The following ITGB2 variants were observed in gnomAD, a reference collection of about 807,000 sequenced individuals.
ITGB2 encodes integrin beta-2.
A neutral mutation model predicts 86.8 loss-of-function variants in ITGB2; 56 were observed. The ratio of observed to expected loss-of-function variants is 0.65; its 90% CI spans 0.52 to 0.81. The LOEUF (loss-of-function observed/expected upper bound fraction) is 0.81. Ranked by LOEUF, ITGB2 falls within the 30% of genes least tolerant of loss-of-function variation. The pLI, the probability that ITGB2 is intolerant of heterozygous loss-of-function variation, is 0.00. For synonymous variants in ITGB2, 457 were observed against 450.4 expected, an observed-to-expected ratio of 1.01 and a Z score of -0.19; for missense variants, 948 against 1,061.2, an observed-to-expected ratio of 0.89 and a Z score of 1.48.
intron 4 of ITGB2, among the ~76,000 whole-genome samples, chr21:44,905,455 C>T (rs1025284335): frequency 1.3e-5 from 2 of 152,164 alleles, no homozygotes; most frequent in African/African-American, 2.4e-5. Context: ...CCCACTCAGG[C>T]GCACCCCCAC....
At chr21:44,898,394 C>A (rs2083899312) in intron 8 of ITGB2, among the ~76,000 whole-genome samples, 1 of 152,218 alleles carries the variant, frequency 6.6e-6, no homozygotes, top group Admixed American at 6.5e-5. Context: ...CCTCGGGCAG[C>A]GGCTGGCACC....
chr21:44,892,012 G>A lies in ITGB2; in HGVS notation c.1225-16C>T. 1 of 1,609,154 alleles carries A rather than the reference G, an allele frequency of 6.2e-7. No individual in the cohort carries two copies. Reference sequence around the variant, plus strand: ...GGAAGGTGATCTGCAGGGCAGTGCTGGGCTCAGGTGGGGACCCTCGGTGGC... The same window carrying A: ...GGAAGGTGATCTGCAGGGCAGTGCTAGGCTCAGGTGGGGACCCTCGGTGGC... On this transcript the variant is annotated splice_polypyrimidine_tract_variant and intron_variant, in intron 10 of 15. Coordinates refer to ENST00000652462, the MANE Select transcript of ITGB2 (RefSeq NM_000211.5).
At chr21:44,907,130 A>G (rs1269688451) in intron 3 of ITGB2, 35 bp from the exon 4 acceptor site, 6 of 1,505,256 alleles carry the variant, frequency 4.0e-6, no homozygotes, top group African/African-American at 1.4e-5. Flanking sequence ...GGAGGGGGCC[A>G]CACTGCGGGA....
In ITGB2 at chr21:44,901,635, G is replaced by C. The variant is rs756755210; in HGVS notation, c.598C>G (p.Pro200Ala). Residue 200 changes from proline (P) to alanine (A), a missense_variant, in exon 6 of 16, where the codon CCC becomes GCC. Transcript: ENST00000652462. ...AGCACGTGCCTGAAGGCAAACGGGGGCTGGCACTCTTTCTCCTTGTTGGGG... is the reference window on the plus strand; with the variant it reads ...AGCACGTGCCTGAAGGCAAACGGGGCCTGGCACTCTTTCTCCTTGTTGGGG... ...PCPNKEKECQPPFAFRHVLKL... is the reference protein window; with the variant it reads ...PCPNKEKECQAPFAFRHVLKL... 3 of 1,614,274 alleles carry C rather than the reference G, an allele frequency of 1.9e-6. No individual in the cohort carries two copies. In the Admixed American group the frequency reaches 5.0e-5, roughly 27 times the overall value.
chr21:44,927,621 C>G (rs1278904980), intron 1 of ITGB2: 3 of 152,386 alleles, frequency 2.0e-5, no homozygotes, highest in Admixed American at 2.0e-4. Flanking sequence ...CTTCTTCCCC[C>G]CAGTGACTTC....
At chr21:44,918,849 C>A (rs2084249356) in intron 1 of ITGB2, among the ~76,000 whole-genome samples, 2 of 151,712 alleles carry the variant, frequency 1.3e-5, no homozygotes, top group South Asian at 4.2e-4. Context: ...CAGCCCCTGC[C>A]AGGAGGCCCT....
intron 10 of ITGB2, among the ~76,000 whole-genome samples, chr21:44,892,581 G>A (rs1330855650): frequency 7.3e-6 from 1 of 136,510 alleles, no homozygotes; most frequent in Non-Finnish European, 1.5e-5. Flanking sequence ...CTCCAGCCTG[G>A]GCGACAGAGC....
At chr21:44,900,620 T>G in intron 6 of ITGB2, 145 bp from the exon 7 acceptor site, 2 of 975,458 alleles carry the variant, frequency 2.1e-6, no homozygotes, top group Non-Finnish European at 3.1e-6. Context: ...GGGACCCAGC[T>G]GTGTTCCCCC....
At chr21:44,893,632 TCTC>T in intron 9 of ITGB2, 88 bp from the exon 10 acceptor site, 10 of 1,543,588 alleles carry the variant, frequency 6.5e-6, no homozygotes, top group Admixed American at 1.7e-5. Context: ...CGTCTCCACT[TCTC>T]CTCTCAGTGC....
chr21:44,901,016 G>A (rs1312481484), intron 6 of ITGB2, among the ~76,000 whole-genome samples: 1 of 152,190 alleles, frequency 6.6e-6, no homozygotes, highest in Non-Finnish European at 1.5e-5. Flanking sequence ...GGAGGACAGT[G>A]CATGTGGCCT....
At chr21:44,899,014 G>A in intron 8 of ITGB2, 53 bp downstream of exon 8, 3 of 1,425,228 alleles carry the variant, frequency 2.1e-6, no homozygotes, top group South Asian at 2.3e-5. Context: ...GGTCTGGCCT[G>A]TGGCTGAAAC....
Position 44,900,299 on chromosome 21 carries a change from G to A in ITGB2, c.897+21C>T, listed in dbSNP as rs1320091081. The A allele has an allele frequency of 1.9e-6, 3 of 1,614,164 alleles. No homozygotes were observed. The South Asian group carries it at 3.3e-5, about 18-fold the overall frequency. On this transcript the variant is annotated intron_variant, in intron 7 of 15. Coordinates refer to ENST00000652462, the MANE Select transcript of ITGB2 (RefSeq NM_000211.5). ...TGGTGTCCTGCCAGGCGGTGCCTGG[G>A]TGCCTGGGGTGGGGACTTACGAATT... is the stretch of plus-strand genomic sequence containing the variant.
Position 44,892,015 on chromosome 21 carries a change from C to G in ITGB2, c.1225-19G>C. On this transcript the variant is annotated intron_variant, in intron 10 of 15. Transcript: ENST00000652462. ...AGGTGATCTGCAGGGCAGTGCTGGG[C>G]TCAGGTGGGGACCCTCGGTGGCCAG... 1 of 1,609,230 alleles carries G rather than the reference C, an allele frequency of 6.2e-7. No individual in the cohort carries two copies. Among genetic ancestry groups the G allele is most frequent in the Non-Finnish European group, 8.5e-7 (1 of 1,179,408 alleles).
At chr21:44,910,250 T>C (rs1415259494) in intron 3 of ITGB2, 34 bp downstream of exon 3, 3 of 1,608,606 alleles carry the variant, frequency 1.9e-6, no homozygotes, top group South Asian at 2.2e-5. Context: ...ACCCAGGAGC[T>C]GGGCAGGTGG....
rs200241208 is a variant in ITGB2, at chr21:44,888,664, C to T, written c.2080+29G>A. The T allele has an allele frequency of 9.3e-5, 149 of 1,600,936 alleles. 1 individual carries two copies. The highest frequency in any genetic ancestry group is 8.7e-4 in the South Asian group (79 of 91,048). On this transcript the variant is annotated intron_variant, in intron 14 of 15. Coordinates refer to ENST00000652462, the MANE Select transcript of ITGB2 (RefSeq NM_000211.5). ...GACCCCGCAGCCGGAGCTCTGGAGCCGGTCCCCGCTGCACCCCAGCGGCCT... is the reference window on the plus strand; with the variant it reads ...GACCCCGCAGCCGGAGCTCTGGAGCTGGTCCCCGCTGCACCCCAGCGGCCT...
intron 10 of ITGB2, chr21:44,892,996 T>C: frequency 8.2e-6 from 2 of 242,530 alleles, no homozygotes; most frequent in Non-Finnish European, 1.6e-5. Context: ...TCCCTCAGTC[T>C]GCAGTGGCCT....
At chr21:44,919,698 C>T (rs873555) in intron 1 of ITGB2, among the ~76,000 whole-genome samples, 1 of 151,966 alleles carries the variant, frequency 6.6e-6, no homozygotes, top group Non-Finnish European at 1.5e-5. Flanking sequence ...CTCCGGCCAT[C>T]CCCCCCCTTC....
intron 8 of ITGB2, among the ~76,000 whole-genome samples, chr21:44,897,399 G>A (rs1353694138): frequency 1.3e-5 from 2 of 152,242 alleles, no homozygotes; most frequent in African/African-American, 2.4e-5. Flanking sequence ...CAGGCAGGGG[G>A]AAGAGGGGGC....
At chr21:44,899,832 TC>T (rs1404134373) in intron 7 of ITGB2, among the ~76,000 whole-genome samples, 2 of 152,104 alleles carry the variant, frequency 1.3e-5, no homozygotes, top group African/African-American at 2.4e-5. Context: ...TTCCTCATGG[TC>T]CCCGCAGCCG....
Sources: allele counts gnomAD v4.1 joint callset (sites outside exome capture counted in the v4.1 genomes callset), GRCh38; gene constraint gnomAD v4.1.1; transcripts MANE v1.5; gene names NCBI Gene and HGNC (gene_info 2026-07-23, HGNC 2026-07-21).